Variants in ADGRD2 observed in about 807,000 individuals in gnomAD.
The protein encoded by ADGRD2 is adhesion G protein-coupled receptor D2, also known as G protein-coupled receptor PGR24.
In ADGRD2, 71 loss-of-function variants were observed where a neutral mutation model predicts 44.4. The observed-to-expected ratio is 1.60, with a 90% CI of 1.32 to 1.95. The LOEUF (loss-of-function observed/expected upper bound fraction) is 1.95. Ranked by LOEUF, ADGRD2 falls within the 30% of genes most tolerant of loss-of-function variation. The pLI is 0.00. For synonymous variants in ADGRD2, 481 were observed against 224.8 expected (o/e 2.14, Z -10.19); for missense variants, 1,039 against 512.4 (o/e 2.03, Z -9.92).
At chr9:124,476,112 T>C (rs1017256933) in intron 19 of ADGRD2, among the ~76,000 whole-genome samples, 1 of 152,164 alleles carries the variant, frequency 6.6e-6, no homozygotes, top group African/African-American at 2.4e-5. Context: ...GTCGGGGCTC[T>C]GAGGCAGGGC....
intron 10 of ADGRD2, among the ~76,000 whole-genome samples, chr9:124,464,437 C>G (rs1411120655): frequency 6.6e-6 from 1 of 152,188 alleles, no homozygotes; most frequent in Non-Finnish European, 1.5e-5. Context: ...GTTAACCCTC[C>G]TTTCTGAGCC....
chr9:124,455,205 G>A (rs1390806920), intron 6 of ADGRD2, 78 bp downstream of exon 9: 3 of 604,850 alleles, frequency 5.0e-6, no homozygotes, highest in Admixed American at 5.5e-5. Flanking sequence ...GTGTAGCTGT[G>A]GGGGAGTCAG....
At chr9:124,455,287 T>C (rs918707033) in intron 6 of ADGRD2, among the ~76,000 whole-genome samples, 160 bp downstream of exon 9, 3 of 152,194 alleles carry the variant, frequency 2.0e-5, no homozygotes, top group African/African-American at 4.8e-5. Flanking sequence ...TAAGTTGAAC[T>C]TCCACAAACA....
chr9:124,465,970 T>G (rs1831815223), intron 10 of ADGRD2: 1 of 258,730 alleles, frequency 3.9e-6, no homozygotes, highest in African/African-American at 2.2e-5. Flanking sequence ...GGGATTATCC[T>G]GGCTCCCTGC....
At chr9:124,476,631 C>T (rs1832054696) in intron 20 of ADGRD2, 48 bp from the exon 24 acceptor site, 1 of 687,524 alleles carries the variant, frequency 1.5e-6, no homozygotes, top group African/African-American at 1.8e-5. Context: ...GGGCAAGGGG[C>T]AGCAGAAGGA....
At position 124,462,931 on chromosome 9, in the gene ADGRD2, CTCTT is replaced by C. The variant is rs770219372; in HGVS notation, c.1871-3323_1871-3320del. On this transcript the variant is annotated intron_variant, in intron 10 of 21. Transcript: ENST00000334810. ...CCTTCCTTCCTGACTTTCTCTCTCT[CTCTT>C]TCTCTCTCTCTCCTTCCTTCCTTCA... Among the ~76,000 whole-genome samples the C allele has an allele frequency of 3.8e-3, 569 of 151,062 alleles. 1 individual carries two copies. The highest frequency in any genetic ancestry group is 9.0e-3 in the African/African-American group (369 of 41,182).
chr9:124,471,118 C>A (rs1390889806), intron 17 of ADGRD2, among the ~76,000 whole-genome samples: 1 of 152,104 alleles, frequency 6.6e-6, no homozygotes, highest in African/African-American at 2.4e-5. Flanking sequence ...GCTAGAACCA[C>A]AGGGAGAGGG....
At chr9:124,473,970 A>G (rs952527592) in intron 17 of ADGRD2, among the ~76,000 whole-genome samples, 2 of 152,048 alleles carry the variant, frequency 1.3e-5, no homozygotes, top group Non-Finnish European at 2.9e-5. Context: ...GGGTCCTCAA[A>G]GCTGTTGTAA....
chr9:124,450,790 G>A (rs368602957), upstream of ADGRD2, among the ~76,000 whole-genome samples: 11 of 152,376 alleles, frequency 7.2e-5, no homozygotes, highest in African/African-American at 2.6e-4. Context: ...TTTTCGTGCT[G>A]TCTGGAAAAG....
At chr9:124,468,805 C>T in intron 14 of ADGRD2, 133 bp downstream of exon 17, 1 of 613,562 alleles carries the variant, frequency 1.6e-6, no homozygotes, top group Non-Finnish European at 2.9e-6. Context: ...TAGCGTCACC[C>T]AGAACCCAGC....
chr9:124,461,934 A>C (rs978861636), intron 10 of ADGRD2, among the ~76,000 whole-genome samples: 40 of 152,022 alleles, frequency 2.6e-4, no homozygotes, highest in African/African-American at 8.7e-4. Flanking sequence ...TTTAGTAGAG[A>C]CGGGGTTTCA....
chr9:124,460,471 G>A (rs181779989), intron 10 of ADGRD2, among the ~76,000 whole-genome samples: 1 of 150,824 alleles, frequency 6.6e-6, no homozygotes, highest in Admixed American at 6.7e-5. Flanking sequence ...GCCTGCCTCG[G>A]CCTCCCAAAG....
At chr9:124,476,562 C>A (rs1318090271) in intron 20 of ADGRD2, 117 bp from the exon 24 acceptor site, 9 of 640,838 alleles carry the variant, frequency 1.4e-5, no homozygotes, top group Non-Finnish European at 2.5e-5. Context: ...CTGAAGGGCC[C>A]AGGGAGGGGG....
At chr9:124,457,565 T>A (rs1273350886) in exon 8 of ADGRD2, 1 of 680,334 alleles carries the variant, frequency 1.5e-6, no homozygotes, top group Non-Finnish European at 2.7e-6. Flanking sequence ...CCCGGCCATA[T>A]CCACATTCCT....
At chr9:124,476,948 G>C (rs370680177) in intron 21 of ADGRD2, 1 of 698,724 alleles carries the variant, frequency 1.4e-6, no homozygotes, top group South Asian at 1.5e-5. Context: ...CTGAGCGGGC[G>C]CTGCCAAGAG....
At position 124,458,097 on chromosome 9, in the gene ADGRD2, C is replaced by T; in HGVS notation, c.1641-16C>T. The T allele has an allele frequency of 4.2e-6, 3 of 718,332 alleles. No homozygotes were observed. The highest frequency in any genetic ancestry group is 5.2e-6 in the Non-Finnish European group (2 of 384,982). 44.5% of individuals were successfully genotyped at this position (718,332 alleles called of 1,614,324 possible). A position where few individuals can be genotyped will look rare whatever the true frequency, so the allele number is the denominator to read the frequency against. On this transcript the variant is annotated splice_polypyrimidine_tract_variant and intron_variant, in intron 8 of 21. Transcript: ENST00000334810. Reference sequence around the variant, plus strand: ...AGCCACCGGGTGGTGCCTTGGTGCCCCTTCCTCTCAGCCAGGCCTCTCTGG... The same window carrying T: ...AGCCACCGGGTGGTGCCTTGGTGCCTCTTCCTCTCAGCCAGGCCTCTCTGG...
Position 124,454,579 on chromosome 9 carries a change from C to T in ADGRD2, c.1108+10C>T, listed in dbSNP as rs1247970066. The T allele has an allele frequency of 2.8e-6, 2 of 713,334 alleles. No individual in the cohort carries two copies. The highest frequency in any genetic ancestry group is 3.0e-5 in the South Asian group (2 of 67,474). 44.2% of individuals were successfully genotyped at this position (713,334 alleles called of 1,614,324 possible). On this transcript the variant is annotated intron_variant, in intron 5 of 21. Coordinates refer to ENST00000334810, the Ensembl canonical transcript of ADGRD2. The surrounding 1 kb of genome is among the most constrained non-coding windows in gnomAD (Gnocchi z 4.5). ...GGCCAACGACATTGTGGTGAGCTCC[C>T]TCTCAGGGGCTGGAAAGCCTGGGGG...
intron 10 of ADGRD2, among the ~76,000 whole-genome samples, chr9:124,462,948 CTTCCTTCCTTCA>C (rs1831749358): frequency 6.8e-6 from 1 of 146,832 alleles, no homozygotes; most frequent in Non-Finnish European, 1.5e-5. Context: ...TCTCTCTCTC[CTTCCTTCCTTCA>C]TTCCTTCCTT....
chr9:124,468,377 A>G, intron 13 of ADGRD2, 142 bp from the exon 17 acceptor site: 1 of 680,610 alleles, frequency 1.5e-6, no homozygotes, highest in Non-Finnish European at 2.7e-6. Flanking sequence ...CGAATGGTGG[A>G]GCGGGGCCCA....
Sources: gnomAD v4.1 joint callset for allele counts (sites outside exome capture counted in the v4.1 genomes callset) on GRCh38, gnomAD v4.1.1 for gene constraint, Gnocchi (gnomAD v3.1) non-coding constraint, MANE v1.5 for transcripts, NCBI Gene and HGNC (gene_info 2026-07-23, HGNC 2026-07-21) for gene names.